The following PCDH9 variants were observed in gnomAD, a reference collection of about 807,000 sequenced individuals.
The protein encoded by PCDH9 is protocadherin-9.
A neutral mutation model predicts 70.6 loss-of-function variants in PCDH9; 24 were observed. The observed-to-expected ratio is 0.34, with a 90% CI of 0.25 to 0.48. The LOEUF (loss-of-function observed/expected upper bound fraction) is 0.48. Among genes scored for constraint, PCDH9 ranks in the 20% least tolerant of loss-of-function variants. PCDH9 has a pLI of 0.99. For missense variants in PCDH9, 1,281 were observed against 1,503.6 expected (o/e 0.85, Z 2.45); for synonymous variants, 562 against 558.5 (o/e 1.01, Z -0.09).
chr13:67,193,048 T>G (rs990041936), intron 2 of PCDH9, among the ~76,000 whole-genome samples: 1 of 152,134 alleles, frequency 6.6e-6, no homozygotes, highest in African/African-American at 2.4e-5. Context: ...GCTGGAAATA[T>G]GTATCTGAAA....
In PCDH9 at chr13:66,544,391, A is replaced by G. The variant is rs918487677; in HGVS notation, c.3340+86819T>C. 2.6e-5 allele frequency among the ~76,000 whole-genome samples: 4 copies of G among 152,330 alleles called. No individual in the cohort carries two copies. In the East Asian group the frequency reaches 7.7e-4, roughly 29 times the overall value. ...TCAGTAATGGTGGTTTCACACAAAC[A>G]CACACATTCATATGACACGTATATA... On this transcript the variant is annotated intron_variant, in intron 4 of 4. Coordinates refer to ENST00000377865, the MANE Select transcript of PCDH9 (RefSeq NM_203487.3).
At chr13:66,832,042 A>G (rs1032780739) in intron 3 of PCDH9, among the ~76,000 whole-genome samples, 1 of 152,144 alleles carries the variant, frequency 6.6e-6, no homozygotes, top group Admixed American at 6.5e-5. Context: ...AAAACATAGG[A>G]GGCCACTACA....
chr13:66,402,193 T>C (rs934848700), intron 4 of PCDH9, among the ~76,000 whole-genome samples: 3 of 152,098 alleles, frequency 2.0e-5, no homozygotes, highest in African/African-American at 4.8e-5. Context: ...TAGAACCAAG[T>C]GGCAACAAGA....
intron 3 of PCDH9, among the ~76,000 whole-genome samples, chr13:66,890,883 C>A (rs1030369195): frequency 6.6e-6 from 1 of 152,040 alleles, no homozygotes; most frequent in African/African-American, 2.4e-5. Context: ...CTTTGATAGA[C>A]CACCACTACA....
At chr13:67,154,621 C>A (rs2087760460) in intron 2 of PCDH9, among the ~76,000 whole-genome samples, 1 of 137,836 alleles carries the variant, frequency 7.3e-6, no homozygotes, top group Non-Finnish European at 1.6e-5. Context: ...CACACACACA[C>A]ACACACACAC....
chr13:66,737,211 T>A lies in PCDH9; in HGVS notation c.3139-105800A>T, dbSNP rs1010588147. On this transcript the variant is annotated intron_variant, in intron 3 of 4. Transcript: ENST00000377865. ...ACATGTATTTGTTCTCTATTTCTAT[T>A]TTTCATATAAAAACACGTGATTGCT... is the stretch of plus-strand genomic sequence containing the variant. 2.0e-5 allele frequency among the ~76,000 whole-genome samples: 3 copies of A among 150,884 alleles called. No individual in the cohort carries two copies. In the South Asian group the frequency reaches 6.3e-4, roughly 32 times the overall value.
chr13:66,924,314 T>C (rs1431364437), intron 2 of PCDH9, among the ~76,000 whole-genome samples: 7 of 151,888 alleles, frequency 4.6e-5, no homozygotes, highest in Non-Finnish European at 8.8e-5. Context: ...TAATACTGTT[T>C]TGAAAATATT....
At chr13:67,162,370 CA>C (rs2087987239) in intron 2 of PCDH9, among the ~76,000 whole-genome samples, 1 of 152,172 alleles carries the variant, frequency 6.6e-6, no homozygotes, top group Non-Finnish European at 1.5e-5. Context: ...ATTTTAGCTT[CA>C]AAATTTCAGT....
chr13:66,518,839 A>G (rs1021233274), intron 4 of PCDH9, among the ~76,000 whole-genome samples: 1 of 152,212 alleles, frequency 6.6e-6, no homozygotes, highest in Admixed American at 6.5e-5. Context: ...CGAGTAAAAG[A>G]GACCAAAACC....
intron 3 of PCDH9, among the ~76,000 whole-genome samples, chr13:66,801,368 G>A (rs1030929241): frequency 6.6e-6 from 1 of 151,990 alleles, no homozygotes; most frequent in African/African-American, 2.4e-5. Context: ...AAAAGTATAG[G>A]CATTGCCAAG....
chr13:66,655,800 T>C (rs1050342872), intron 3 of PCDH9, among the ~76,000 whole-genome samples: 14 of 152,250 alleles, frequency 9.2e-5, no homozygotes, highest in African/African-American at 3.4e-4. Context: ...TATTTACTCC[T>C]AATTGTGTTT....
At chr13:67,102,560 T>TTATTTATTTATTTA in intron 2 of PCDH9, among the ~76,000 whole-genome samples, 1 of 152,162 alleles carries the variant, frequency 6.6e-6, no homozygotes. Flanking sequence ...AAATGCTCAG[T>TTATTTATTTATTTA]TACCGTCTTT....
chr13:67,197,001 T>A (rs2089082196), intron 2 of PCDH9, among the ~76,000 whole-genome samples: 1 of 152,000 alleles, frequency 6.6e-6, no homozygotes, highest in South Asian at 2.1e-4. Context: ...AAACGGGAAG[T>A]TGAACAGGAA....
At chr13:67,152,206 T>C (rs1347378749) in intron 2 of PCDH9, among the ~76,000 whole-genome samples, 3 of 152,208 alleles carry the variant, frequency 2.0e-5, no homozygotes, top group African/African-American at 4.8e-5. Flanking sequence ...TATGTTTTAC[T>C]GTTGATAGGA....
chr13:67,170,220 A>T (rs1422437945), intron 2 of PCDH9, among the ~76,000 whole-genome samples: 2 of 152,196 alleles, frequency 1.3e-5, no homozygotes, highest in Admixed American at 1.3e-4. Context: ...ATGCTTCATT[A>T]AGAAAATTTA....
chr13:67,118,644 C>T (rs777250670), intron 2 of PCDH9, among the ~76,000 whole-genome samples: 2 of 152,050 alleles, frequency 1.3e-5, no homozygotes, highest in Non-Finnish European at 2.9e-5. Flanking sequence ...ACACATACAC[C>T]TTTAAATTAA....
intron 2 of PCDH9, among the ~76,000 whole-genome samples, chr13:67,102,903 C>T (rs926083616): frequency 6.6e-6 from 1 of 152,030 alleles, no homozygotes; most frequent in South Asian, 2.1e-4. Flanking sequence ...GCTTGAGAGA[C>T]AACATGGTTA....
chr13:66,649,006 T>A (rs2077812413), intron 3 of PCDH9, among the ~76,000 whole-genome samples: 2 of 151,990 alleles, frequency 1.3e-5, no homozygotes, highest in African/African-American at 4.8e-5. Flanking sequence ...AAAAATACAC[T>A]GTCAGAAGAG....
At chr13:66,317,358 A>T (rs1341713840) in intron 4 of PCDH9, among the ~76,000 whole-genome samples, 1 of 152,228 alleles carries the variant, frequency 6.6e-6, no homozygotes, top group East Asian at 1.9e-4. Context: ...AAACTTTGGT[A>T]AGAATTTATA....
Sources: allele counts gnomAD v4.1 joint callset (sites outside exome capture counted in the v4.1 genomes callset), GRCh38; gene constraint gnomAD v4.1.1; transcripts MANE v1.5; gene names NCBI Gene and HGNC (gene_info 2026-07-23, HGNC 2026-07-21).